The following DBH variants were observed in gnomAD, a reference collection of about 807,000 sequenced individuals.
DBH encodes the protein dopamine beta-hydroxylase.
A neutral mutation model predicts 64.0 loss-of-function variants in DBH; 49 were observed. The observed-to-expected ratio is 0.77, with a 90% CI of 0.61 to 0.97. The LOEUF is 0.97. Among genes scored for constraint, DBH ranks in the 50% least tolerant of loss-of-function variants. The probability of loss-of-function intolerance (pLI) is 0.00; values close to 1 mark genes in which losing one functional copy is unlikely to be tolerated. For missense variants in DBH, 828 were observed against 826.6 expected, an observed-to-expected ratio of 1.00 and a Z score of -0.02; for synonymous variants, 343 against 347.1, an observed-to-expected ratio of 0.99 and a Z score of 0.13.
intron 9 of DBH, among the ~76,000 whole-genome samples, chr9:133,653,481 G>A (rs1040572070): frequency 5.3e-5 from 8 of 152,118 alleles, no homozygotes; most frequent in South Asian, 2.1e-4. Context: ...GCAGAGGTGC[G>A]GGGACCTGGG....
intron 6 of DBH, among the ~76,000 whole-genome samples, chr9:133,651,317 G>A (rs1832245270): frequency 6.6e-6 from 1 of 152,230 alleles, no homozygotes; most frequent in African/African-American, 2.4e-5. Flanking sequence ...TCGCCTTAAA[G>A]GCCTGTTGAC....
chr9:133,647,460 A>T (rs1370524841), intron 5 of DBH, among the ~76,000 whole-genome samples: 2 of 152,216 alleles, frequency 1.3e-5, no homozygotes, highest in Admixed American at 6.5e-5. Context: ...CTTATGAAAC[A>T]ATCTGAGCAC....
rs770940021 is a variant in DBH, at chr9:133,658,304, C to A, written c.1723-12C>A. On this transcript the variant is annotated splice_polypyrimidine_tract_variant and intron_variant, in intron 11 of 11. Coordinates refer to ENST00000393056, the MANE Select transcript of DBH (RefSeq NM_000787.4). Reference sequence around the variant, plus strand: ...TCCAGCCTCAGTTTACCTCCTGCCCCCTTCCTTGCAGGGTGAATGGAACCT... The same window carrying A: ...TCCAGCCTCAGTTTACCTCCTGCCCACTTCCTTGCAGGGTGAATGGAACCT... The A allele has an allele frequency of 1.5e-4, 245 of 1,613,658 alleles. 1 individual carries two copies. The highest frequency in any genetic ancestry group is 2.0e-4 in the Non-Finnish European group (240 of 1,179,808).
intron 9 of DBH, chr9:133,656,007 G>A (rs1002745201): frequency 4.7e-5 from 10 of 212,240 alleles, no homozygotes; most frequent in African/African-American, 2.3e-4. Context: ...CTGTCTTATA[G>A]AGTCCCTGCT....
intron 6 of DBH, among the ~76,000 whole-genome samples, chr9:133,648,911 T>C (rs1017287244): frequency 2.0e-5 from 3 of 152,262 alleles, no homozygotes; most frequent in African/African-American, 7.2e-5. Flanking sequence ...TTTTCTCATG[T>C]AGATTTCTAG....
In DBH at chr9:133,643,403, C is replaced by T. The variant is rs1346738053; in HGVS notation, c.745-10C>T. ...CCGGTTCCCGGGCTCAGAGGGCTGCCTCCTCACAGTACGAGCCCATCGTCA... is the reference window on the plus strand; with the variant it reads ...CCGGTTCCCGGGCTCAGAGGGCTGCTTCCTCACAGTACGAGCCCATCGTCA... On this transcript the variant is annotated splice_polypyrimidine_tract_variant and intron_variant, in intron 3 of 11. Transcript: ENST00000393056. This position sits in a 1 kb window ranked among gnomAD's most constrained non-coding sequence, Gnocchi z 5.3. The T allele has an allele frequency of 6.2e-7, 1 of 1,613,742 alleles. No homozygotes were observed. The highest frequency in any genetic ancestry group is 1.3e-5 in the African/African-American group (1 of 75,032).
Position 133,657,435 on chromosome 9 carries a change from A to AGAG in DBH, c.1722+207_1722+209dup, listed in dbSNP as rs59129659. The AGAG allele has an allele frequency of 0.19, 73,247 of 382,884 alleles. 11,481 individuals carry two copies. The highest frequency in any genetic ancestry group is 0.34 in the East Asian group (6,957 of 20,608). 23.7% of individuals were successfully genotyped at this position (382,884 alleles called of 1,614,324 possible). On this transcript the variant is annotated intron_variant, in intron 11 of 11. Transcript: ENST00000393056. ...AGAGAGGAGAGAGAGGAGAGAGAGG[A>AGAG]GAGAGAGGAGAGAGAGGAGAGAGGG...
intron 5 of DBH, among the ~76,000 whole-genome samples, chr9:133,647,027 G>A (rs1358762664): frequency 6.6e-6 from 1 of 152,162 alleles, no homozygotes; most frequent in Non-Finnish European, 1.5e-5. Flanking sequence ...GCTCATAAAG[G>A]GACAGCAAGT....
chr9:133,654,139 G>C (rs1204104418), intron 9 of DBH, among the ~76,000 whole-genome samples: 1 of 125,852 alleles, frequency 7.9e-6, no homozygotes, highest in Non-Finnish European at 1.7e-5. Flanking sequence ...TTTTGAGACG[G>C]AGTCTCGCTC....
At chr9:133,655,255 C>T (rs1302369454) in intron 9 of DBH, 1 of 152,304 alleles carries the variant, frequency 6.6e-6, no homozygotes, top group African/African-American at 2.4e-5. Context: ...CTGACAAGCC[C>T]TCGCCTGCTG....
At position 133,643,669 on chromosome 9, in the gene DBH, C is replaced by T. The variant is rs745817006; in HGVS notation, c.921+80C>T. 2.5e-5 allele frequency: 38 copies of T among 1,533,488 alleles called. No homozygotes were observed. The highest frequency in any genetic ancestry group is 3.4e-5 in the South Asian group (3 of 87,270). 95.0% of individuals were successfully genotyped at this position (1,533,488 alleles called of 1,614,324 possible). A position where few individuals can be genotyped will look rare whatever the true frequency, so the allele number is the denominator to read the frequency against. Reference sequence around the variant, plus strand: ...CACACCTCTGTTTCCCCAGCTTCACCGTCTCAGAGGCTTCAAGAAGGGGCT... The same window carrying T: ...CACACCTCTGTTTCCCCAGCTTCACTGTCTCAGAGGCTTCAAGAAGGGGCT... On this transcript the variant is annotated intron_variant, in intron 4 of 11. Coordinates refer to ENST00000393056, the MANE Select transcript of DBH (RefSeq NM_000787.4). The surrounding 1 kb of genome is among the most constrained non-coding windows in gnomAD (Gnocchi z 5.3).
At position 133,636,428 on chromosome 9, in the gene DBH, C is replaced by G; in HGVS notation, c.57C>G (p.Ala19=). 6.2e-7 allele frequency: 1 copy of G among 1,612,814 alleles called. No homozygotes were observed. Among genetic ancestry groups the G allele is most frequent in the Non-Finnish European group, 8.5e-7 (1 of 1,179,916 alleles). ...SLPGPSMREA[A]FMYSTAVAIF... ...CCGGCCCCAGCATGCGGGAGGCAGC[C>G]TTCATGTACAGCACAGCAGTGGCCA... Residue 19 remains alanine (A), a synonymous_variant, in exon 1 of 12, where the codon GCC becomes GCG. Coordinates refer to ENST00000393056, the MANE Select transcript of DBH (RefSeq NM_000787.4).
intron 8 of DBH, among the ~76,000 whole-genome samples, chr9:133,652,578 T>C (rs1186873065): frequency 6.6e-6 from 1 of 151,874 alleles, no homozygotes; most frequent in Admixed American, 6.6e-5. Flanking sequence ...TTGGGGGAGA[T>C]GAGGGCACTA....
At chr9:133,638,656 T>G (rs887773928) in intron 1 of DBH, among the ~76,000 whole-genome samples, 1 of 152,116 alleles carries the variant, frequency 6.6e-6, no homozygotes, top group Non-Finnish European at 1.5e-5. Context: ...GATATGGGCT[T>G]GGTGTGGGTC....
intron 6 of DBH, among the ~76,000 whole-genome samples, chr9:133,650,272 C>G (rs78106270): frequency 6.6e-6 from 1 of 152,094 alleles, no homozygotes; most frequent in African/African-American, 2.4e-5. Context: ...CTAAAAAGCT[C>G]GGCCATCTGG....
chr9:133,645,719 G>A (rs891081231), intron 5 of DBH, among the ~76,000 whole-genome samples: 17 of 152,270 alleles, frequency 1.1e-4, no homozygotes, highest in African/African-American at 4.1e-4. Flanking sequence ...GAAACAAGTA[G>A]GGAGATGGTT....
intron 9 of DBH, 22 bp downstream of exon 9, chr9:133,653,021 C>T (rs377344599): frequency 6.3e-7 from 1 of 1,589,550 alleles, no homozygotes; most frequent in Non-Finnish European, 8.6e-7. Context: ...CCGCTTCCCC[C>T]TGCACCTGCC....
chr9:133,656,657 G>C lies in DBH; in HGVS notation c.1562+7G>C. On this transcript the variant is annotated splice_region_variant and intron_variant, in intron 10 of 11. Coordinates refer to ENST00000393056, the MANE Select transcript of DBH (RefSeq NM_000787.4). ...ACTTCCACCTCATCAACAGGTGAGG[G>C]CTCCCTGCACAAGCTCCCTGCCCCC... The C allele has an allele frequency of 6.2e-7, 1 of 1,611,198 alleles. No homozygotes were observed. Among genetic ancestry groups the C allele is most frequent in the Non-Finnish European group, 8.5e-7 (1 of 1,179,874 alleles).
Position 133,657,131 on chromosome 9 carries a change from G to A in DBH, c.1624G>A (p.Val542Ile). 6.2e-7 allele frequency: 1 copy of A among 1,614,120 alleles called. No individual in the cohort carries two copies. The highest frequency in any genetic ancestry group is 1.6e-4 in the Middle Eastern group (1 of 6,062). Residue 542 changes from valine to isoleucine, a missense_variant, in exon 11 of 12, where the codon GTT becomes ATT. Val to Ile is a conservative substitution (Grantham distance 29, BLOSUM62 3). Transcript: ENST00000393056. ...QASVSQQFTS[V>I]PWNSFNRDVL... ...GTCCGTGTCTCAGCAGTTCACCTCT[G>A]TTCCCTGGAACTCCTTCAACCGCGA...
Sources: allele counts gnomAD v4.1 joint callset (sites outside exome capture counted in the v4.1 genomes callset), GRCh38; gene constraint gnomAD v4.1.1; non-coding constraint Gnocchi (gnomAD v3.1); transcripts MANE v1.5; gene names NCBI Gene and HGNC (gene_info 2026-07-23, HGNC 2026-07-21).